NLGN4X: variants seen among roughly 807,000 people sequenced by gnomAD.
NLGN4X encodes the protein neuroligin-4, X-linked.
In NLGN4X, 3 loss-of-function variants were observed where a neutral mutation model predicts 40.3. That is an observed-to-expected ratio of 0.07 (90% CI 0.03 to 0.19). The LOEUF is 0.19. NLGN4X is among the 10% of genes least tolerant of loss of function. The pLI is 1.00. For missense variants in NLGN4X, 382 were observed against 708.3 expected (o/e 0.54, Z 5.23); for synonymous variants, 270 against 306.8 (o/e 0.88, Z 1.25).
At chrX:6,157,138 C>G (rs949431527) in intron 1 of NLGN4X, among the ~76,000 whole-genome samples, 1 of 109,285 alleles carries the variant, frequency 9.2e-6, no homozygotes, top group Non-Finnish European at 1.9e-5. Context: ...AAAAAGGATG[C>G]CAAATGTTCT....
At chrX:5,963,854 T>G (rs1345681832) in intron 3 of NLGN4X, among the ~76,000 whole-genome samples, 1 of 112,437 alleles carries the variant, frequency 8.9e-6, no homozygotes, top group Non-Finnish European at 1.9e-5. Flanking sequence ...CCATGAAACA[T>G]TCTCAAATTA....
chrX:5,966,535 A>C (rs148220593), intron 3 of NLGN4X, among the ~76,000 whole-genome samples: 7,656 of 112,444 alleles, frequency 0.068, 634 homozygotes, highest in African/African-American at 0.23. Flanking sequence ...GACTACTGTA[A>C]ACTGAACAAT....
intron 1 of NLGN4X, among the ~76,000 whole-genome samples, chrX:6,196,551 C>CAAAAAAAAAAAAAAAAAAAA (rs374097705): frequency 4.3e-5 from 1 of 23,323 alleles, no homozygotes; most frequent in Non-Finnish European, 8.5e-5. Flanking sequence ...GACTCTGTCT[C>CAAAAAAAAAAAAAAAAAAAA]AAAAAAAAAA....
chrX:5,893,654 T>G lies in NLGN4X; in HGVS notation c.1614A>C (p.Gln538His). ...TGAACTTGGTATCCTGAGGAACTGG[T>G]TGATTTGGATCACTGAGGATAGAAG... ...TNFAKTGDPN[Q>H]PVPQDTKFIH... The change falls in exon 6 of 6, where the codon CAA becomes CAC. Residue 538 changes from glutamine (Q) to histidine (H), a missense_variant. This residue lies in a region of NLGN4X where 149 missense variants were observed against 375.8 expected (regional missense o/e 0.40). Transcript: ENST00000381095. 8.3e-7 allele frequency: 1 copy of G among 1,211,463 alleles called. No individual in the cohort carries two copies.
At chrX:5,981,791 C>T (rs1157887221) in intron 3 of NLGN4X, among the ~76,000 whole-genome samples, 1 of 110,586 alleles carries the variant, frequency 9.0e-6, no homozygotes, top group Non-Finnish European at 1.9e-5. Context: ...AAGAAGTTTG[C>T]TAGGCCAATT....
chrX:5,997,701 CAGTA>C (rs2035869881), intron 3 of NLGN4X, among the ~76,000 whole-genome samples: 2 of 106,865 alleles, frequency 1.9e-5, no homozygotes, highest in Admixed American at 2.1e-4. Context: ...ACTGTTTGTA[CAGTA>C]ACTCTTTTGA....
At chrX:5,902,656 C>T (rs896279821) in intron 5 of NLGN4X, among the ~76,000 whole-genome samples, 2 of 112,284 alleles carry the variant, frequency 1.8e-5, no homozygotes, top group Non-Finnish European at 1.9e-5. Context: ...TGCACCACTG[C>T]ACTCCAGTGT....
intron 1 of NLGN4X, among the ~76,000 whole-genome samples, chrX:6,221,640 C>T (rs780112881): frequency 9.2e-6 from 1 of 109,239 alleles, no homozygotes; most frequent in Non-Finnish European, 1.9e-5. Flanking sequence ...TGAAAACATG[C>T]ATTTACTTTT....
chrX:5,962,731 A>G (rs773822888), intron 3 of NLGN4X, among the ~76,000 whole-genome samples: 10 of 111,527 alleles, frequency 9.0e-5, no homozygotes, highest in African/African-American at 2.9e-4. Flanking sequence ...AGGATGGAGT[A>G]CTCGTGAATG....
chrX:6,088,114 C>G (rs760953552), intron 2 of NLGN4X, among the ~76,000 whole-genome samples: 1 of 112,322 alleles, frequency 8.9e-6, no homozygotes, highest in East Asian at 2.8e-4. Flanking sequence ...AGGGAAAAGG[C>G]GGAAAATGGT....
chrX:6,193,914 A>G (rs1922809599), intron 1 of NLGN4X, among the ~76,000 whole-genome samples: 1 of 112,463 alleles, frequency 8.9e-6, no homozygotes, highest in Admixed American at 9.4e-5. Context: ...GAACCAATCA[A>G]TCATTTAGAA....
At chrX:5,966,699 C>CAAG (rs1329844647) in intron 3 of NLGN4X, among the ~76,000 whole-genome samples, 1 of 112,056 alleles carries the variant, frequency 8.9e-6, no homozygotes, top group Non-Finnish European at 1.9e-5. Context: ...GAGGGAGATA[C>CAAG]AAGCATTGCA....
intron 3 of NLGN4X, among the ~76,000 whole-genome samples, chrX:5,928,564 T>C (rs1305104381): frequency 8.9e-6 from 1 of 112,146 alleles, no homozygotes; most frequent in Admixed American, 9.5e-5. Context: ...ACTTGCTGGA[T>C]TCATTTATCT....
intron 2 of NLGN4X, among the ~76,000 whole-genome samples, chrX:6,052,617 G>A (rs920945899): frequency 3.6e-5 from 4 of 112,084 alleles, no homozygotes; most frequent in Non-Finnish European, 3.8e-5. Flanking sequence ...GAGCATCCCC[G>A]TCTGTTCAAA....
chrX:6,070,196 G>A (rs1248263914), intron 2 of NLGN4X, among the ~76,000 whole-genome samples: 1 of 109,632 alleles, frequency 9.1e-6, no homozygotes, highest in Non-Finnish European at 1.9e-5. Flanking sequence ...TAATGTAGCT[G>A]ACACCATAGT....
chrX:6,034,297 T>C (rs1247518328), intron 2 of NLGN4X, among the ~76,000 whole-genome samples: 1 of 112,315 alleles, frequency 8.9e-6, no homozygotes, highest in Non-Finnish European at 1.9e-5. Context: ...TGTCCTTTCA[T>C]ACTGTAGCAT....
At position 5,902,989 on chromosome X, in the gene NLGN4X, C is replaced by A; in HGVS notation, c.1601+88G>T. The A allele has an allele frequency of 4.7e-6, 5 of 1,056,416 alleles. No individual in the cohort carries two copies. In the South Asian group the frequency reaches 9.4e-5, roughly 20 times the overall value. The allele number at this position is 1,056,416 out of a possible 1,213,427, so 87.1% of individuals were successfully genotyped here. ...GTATGTGTGTGTATGCGTGTGTGCT[C>A]CTGCACGTGGCAGTAGAAGCAACAC... On this transcript the variant is annotated intron_variant, in intron 5 of 5. Transcript: ENST00000381095.
chrX:6,048,695 A>T (rs1211885477), intron 2 of NLGN4X, among the ~76,000 whole-genome samples: 2 of 111,200 alleles, frequency 1.8e-5, no homozygotes, highest in Admixed American at 1.9e-4. Flanking sequence ...TCCTTTGCAG[A>T]GACATGGATG....
chrX:5,908,427 C>T (rs1202660040), intron 4 of NLGN4X, among the ~76,000 whole-genome samples: 2 of 111,428 alleles, frequency 1.8e-5, no homozygotes, highest in Non-Finnish European at 3.8e-5. Flanking sequence ...ACACCCGCAT[C>T]CCTTATCGAC....
Sources: gnomAD v4.1 joint callset for allele counts (sites outside exome capture counted in the v4.1 genomes callset) on GRCh38, gnomAD v4.1.1 for gene constraint, gnomAD v4.1.1 regional missense constraint, MANE v1.5 for transcripts, NCBI Gene and HGNC (gene_info 2026-07-23, HGNC 2026-07-21) for gene names.